TMCC3: variants seen among roughly 807,000 people sequenced by gnomAD.
TMCC3 encodes the protein transmembrane and coiled-coil domain family 3.
A neutral mutation model predicts 40.2 loss-of-function variants in TMCC3; 28 were observed. That is an observed-to-expected ratio of 0.70 (90% CI 0.52 to 0.95). The LOEUF (loss-of-function observed/expected upper bound fraction) is 0.95. Ranked by LOEUF, TMCC3 falls within the 40% of genes least tolerant of loss-of-function variation. The pLI, the probability that TMCC3 is intolerant of heterozygous loss-of-function variation, is 0.00. For missense variants in TMCC3, 554 were observed against 615.2 expected, an observed-to-expected ratio of 0.90 and a Z score of 1.05; for synonymous variants, 255 against 248.5, an observed-to-expected ratio of 1.03 and a Z score of -0.25.
At chr12:94,590,387 G>A (rs1384801933) in intron 1 of TMCC3, among the ~76,000 whole-genome samples, 1 of 150,672 alleles carries the variant, frequency 6.6e-6, no homozygotes, top group African/African-American at 2.4e-5. Context: ...AGTGATTTGG[G>A]CCAAATAACT....
rs749588160 is a variant in TMCC3, at chr12:94,571,272, C to T, written c.*163G>A. On this transcript the variant is annotated 3_prime_UTR_variant, in exon 4 of 4. Coordinates refer to ENST00000261226, the MANE Select transcript of TMCC3 (RefSeq NM_020698.4). ...TAACGAAGTACAAGGACTGAGTTGGCAACTGCTACGGAGTTAAGAGAATTG... is the reference window on the plus strand; with the variant it reads ...TAACGAAGTACAAGGACTGAGTTGGTAACTGCTACGGAGTTAAGAGAATTG... 5.6e-6 allele frequency: 4 copies of T among 716,784 alleles called. No homozygotes were observed. The highest frequency in any genetic ancestry group is 9.0e-6 in the Non-Finnish European group (4 of 443,172). The allele number at this position is 716,784 out of a possible 1,614,324, so 44.4% of individuals were successfully genotyped here.
intron 1 of TMCC3, among the ~76,000 whole-genome samples, chr12:94,585,022 T>C (rs1030486819): frequency 6.6e-6 from 1 of 151,912 alleles, no homozygotes; most frequent in Non-Finnish European, 1.5e-5. Flanking sequence ...ACTTAGAAAA[T>C]GTTTATTTTG....
intron 1 of TMCC3, among the ~76,000 whole-genome samples, chr12:94,635,791 C>T (rs762385653): frequency 1.3e-4 from 20 of 151,414 alleles, no homozygotes; most frequent in Non-Finnish European, 2.1e-4. Context: ...CTCAGCCTTC[C>T]GAGTAGCTGG....
At chr12:94,577,154 T>C (rs1425300641) in intron 3 of TMCC3, among the ~76,000 whole-genome samples, 3 of 152,204 alleles carry the variant, frequency 2.0e-5, no homozygotes, top group Non-Finnish European at 4.4e-5. Context: ...TGCTTTAATT[T>C]CTTACAAATA....
chr12:94,619,548 G>A (rs2068864399), intron 1 of TMCC3, among the ~76,000 whole-genome samples: 1 of 152,174 alleles, frequency 6.6e-6, no homozygotes, highest in African/African-American at 2.4e-5. Flanking sequence ...ATCAGACTCA[G>A]CTGAGCCCAG....
At position 94,586,493 on chromosome 12, in the gene TMCC3, A is replaced by G. The variant is rs59960555; in HGVS notation, c.79-3955T>C. Among the ~76,000 whole-genome samples, 671 of 152,340 alleles carry G rather than the reference A, an allele frequency of 4.4e-3. 7 individuals are homozygous for G. Among genetic ancestry groups the G allele is most frequent in the African/African-American group, 0.015 (617 of 41,572 alleles). The stretch of plus-strand genomic sequence containing the variant: ...ACTCAGCACTGTTTGTGAGTTTCAT[A>G]AGAACTTGGTTTTGCCCTCCTGGAG... On this transcript the variant is annotated intron_variant, in intron 1 of 3. Coordinates refer to ENST00000261226, the MANE Select transcript of TMCC3 (RefSeq NM_020698.4).
intron 1 of TMCC3, among the ~76,000 whole-genome samples, chr12:94,628,047 G>A (rs1566333689): frequency 2.0e-5 from 3 of 152,302 alleles, no homozygotes; most frequent in East Asian, 1.9e-4. Context: ...CTGGCCTGAC[G>A]TACCACATAG....
At chr12:94,614,674 C>CACTCGTA (rs2068837681) in intron 1 of TMCC3, among the ~76,000 whole-genome samples, 1 of 151,916 alleles carries the variant, frequency 6.6e-6, no homozygotes, top group African/African-American at 2.4e-5. Context: ...TCAACTGTTG[C>CACTCGTA]ACTCACAGTG....
intron 1 of TMCC3, among the ~76,000 whole-genome samples, chr12:94,618,798 C>T (rs1438445129): frequency 2.0e-5 from 3 of 152,192 alleles, no homozygotes; most frequent in Non-Finnish European, 4.4e-5. Context: ...GATTTTGACA[C>T]CCCACTGACA....
rs758547876 is a variant in TMCC3 at position 94,582,133 on chromosome 12, C to T, written c.484G>A (p.Asp162Asn). The T allele has an allele frequency of 8.1e-6, 13 of 1,614,116 alleles. No homozygotes were observed. In the South Asian group the frequency reaches 1.3e-4, roughly 16 times the overall value. The stretch of plus-strand genomic sequence containing the variant: ...GCATCTTTCAAAGAGCGATGTATAT[C>T]CTTCAGGTGGTCTTTGGAAATGTCC... The part of the protein sequence containing the change: ...SKDISKDHLK[D>N]IHRSLKDAHV... Residue 162 changes from aspartate (D) to asparagine (N), a missense_variant, in exon 2 of 4, where the codon GAT becomes AAT. By Grantham distance (23) the Asp-to-Asn change is conservative (BLOSUM62 1). Coordinates refer to ENST00000261226, the MANE Select transcript of TMCC3 (RefSeq NM_020698.4).
Position 94,570,981 on chromosome 12 carries a change from G to A in TMCC3, c.*454C>T. 5.1e-6 allele frequency: 1 copy of A among 194,556 alleles called. No individual in the cohort carries two copies. The highest frequency in any genetic ancestry group is 1.1e-5 in the Non-Finnish European group (1 of 93,640). 12.1% of individuals were successfully genotyped at this position (194,556 alleles called of 1,614,324 possible). A position where few individuals can be genotyped will look rare whatever the true frequency, so the allele number is the denominator to read the frequency against. On this transcript the variant is annotated 3_prime_UTR_variant, in exon 4 of 4. Coordinates refer to ENST00000261226, the MANE Select transcript of TMCC3 (RefSeq NM_020698.4). Reference sequence around the variant, plus strand: ...TCACACGGGGACCATAGGCCACAGTGTTTAACACTGCCCAAGCCTGTGATT... The same window carrying A: ...TCACACGGGGACCATAGGCCACAGTATTTAACACTGCCCAAGCCTGTGATT...
chr12:94,596,416 A>G (rs2068715529), intron 1 of TMCC3, among the ~76,000 whole-genome samples: 1 of 152,084 alleles, frequency 6.6e-6, no homozygotes, highest in African/African-American at 2.4e-5. Flanking sequence ...TGCTATTTCT[A>G]TGTCTGTTCC....
chr12:94,628,632 A>C (rs1380309132), intron 1 of TMCC3, among the ~76,000 whole-genome samples: 1 of 152,222 alleles, frequency 6.6e-6, no homozygotes, highest in African/African-American at 2.4e-5. Context: ...CAGCAAAAAC[A>C]GTGCAACAGC....
intron 1 of TMCC3, among the ~76,000 whole-genome samples, chr12:94,616,843 G>T (rs935242769): frequency 6.6e-6 from 1 of 152,214 alleles, no homozygotes; most frequent in Non-Finnish European, 1.5e-5. Flanking sequence ...TCATACAGAG[G>T]TGTTTGGGGT....
At chr12:94,647,571 T>A (rs1332941961) in intron 1 of TMCC3, among the ~76,000 whole-genome samples, 1 of 152,178 alleles carries the variant, frequency 6.6e-6, no homozygotes, top group Non-Finnish European at 1.5e-5. Flanking sequence ...CTCATTGGCA[T>A]TTTTAGGGGA....
chr12:94,643,123 C>T (rs757085538), intron 1 of TMCC3, among the ~76,000 whole-genome samples: 42 of 151,860 alleles, frequency 2.8e-4, no homozygotes, highest in Middle Eastern at 6.3e-3. Flanking sequence ...ACCTGAGCAG[C>T]GGAGGTTGCA....
intron 1 of TMCC3, among the ~76,000 whole-genome samples, chr12:94,647,570 A>AT (rs1328842057): frequency 6.6e-6 from 1 of 152,156 alleles, no homozygotes; most frequent in Non-Finnish European, 1.5e-5. Context: ...TCTCATTGGC[A>AT]TTTTTAGGGG....
chr12:94,619,234 C>T (rs1050079104), intron 1 of TMCC3, among the ~76,000 whole-genome samples: 1 of 152,206 alleles, frequency 6.6e-6, no homozygotes, highest in Non-Finnish European at 1.5e-5. Context: ...ACGGCTTCTA[C>T]TACAGGAGCA....
intron 1 of TMCC3, among the ~76,000 whole-genome samples, chr12:94,637,354 A>G (rs2068965859): frequency 6.6e-6 from 1 of 152,236 alleles, no homozygotes; most frequent in African/African-American, 2.4e-5. Context: ...AAATTTTAAA[A>G]ATATGACCAA....
Sources: gnomAD v4.1 joint callset for allele counts (sites outside exome capture counted in the v4.1 genomes callset) on GRCh38, gnomAD v4.1.1 for gene constraint, MANE v1.5 for transcripts, NCBI Gene and HGNC (gene_info 2026-07-23, HGNC 2026-07-21) for gene names.